HPSE2: variants seen among roughly 807,000 people sequenced by gnomAD.
The protein encoded by HPSE2 is inactive heparanase-2.
HPSE2 carries 38 observed loss-of-function variants against 60.5 expected under a neutral mutation model. The observed-to-expected ratio is 0.63, with a 90% confidence interval of 0.48 to 0.82. HPSE2 has a LOEUF of 0.82. HPSE2 is among the 40% of genes least tolerant of loss of function. The pLI is 0.00. For synonymous variants in HPSE2, 295 were observed against 293.2 expected, an observed-to-expected ratio of 1.01 and a Z score of -0.06; for missense variants, 713 against 740.4, an observed-to-expected ratio of 0.96 and a Z score of 0.43.
At chr10:99,044,295 C>G (rs141174403) in intron 3 of HPSE2, among the ~76,000 whole-genome samples, 52 of 152,296 alleles carry the variant, frequency 3.4e-4, no homozygotes, top group African/African-American at 1.2e-3. Flanking sequence ...CCTTCTCAGA[C>G]AAGCAAACAC....
intron 3 of HPSE2, among the ~76,000 whole-genome samples, chr10:98,881,276 G>A (rs911795453): frequency 1.3e-5 from 2 of 151,990 alleles, no homozygotes; most frequent in Admixed American, 1.3e-4. Context: ...GGCTTCCCTT[G>A]GTAGATCAAG....
intron 3 of HPSE2, among the ~76,000 whole-genome samples, chr10:99,039,594 C>A (rs976591923): frequency 4.6e-5 from 7 of 151,418 alleles, no homozygotes; most frequent in African/African-American, 1.7e-4. Flanking sequence ...GCAGCTGGTA[C>A]TCTGGTCTGT....
At chr10:98,735,621 C>T (rs911946493) in intron 4 of HPSE2, among the ~76,000 whole-genome samples, 9 of 152,092 alleles carry the variant, frequency 5.9e-5, no homozygotes, top group Non-Finnish European at 2.9e-5. Context: ...AGGGGCAGAA[C>T]TGCCCAAGAC....
intron 7 of HPSE2, among the ~76,000 whole-genome samples, chr10:98,628,575 G>A (rs1245499776): frequency 1.3e-5 from 2 of 152,174 alleles, no homozygotes; most frequent in Non-Finnish European, 2.9e-5. Context: ...TGAAGGTAAA[G>A]GGAGCTGAGT....
At chr10:99,049,707 C>T (rs898008025) in intron 3 of HPSE2, among the ~76,000 whole-genome samples, 1 of 151,706 alleles carries the variant, frequency 6.6e-6, no homozygotes, top group African/African-American at 2.4e-5. Flanking sequence ...TAAAGATATA[C>T]CAGATAAATA....
At chr10:98,963,416 A>C (rs1022758326) in intron 3 of HPSE2, among the ~76,000 whole-genome samples, 1 of 152,162 alleles carries the variant, frequency 6.6e-6, no homozygotes, top group Non-Finnish European at 1.5e-5. Flanking sequence ...GTGCCACACT[A>C]GTATGTCATT....
At chr10:99,012,135 T>C (rs1270304978) in intron 3 of HPSE2, among the ~76,000 whole-genome samples, 8 of 152,138 alleles carry the variant, frequency 5.3e-5, no homozygotes, top group Middle Eastern at 3.4e-3. Context: ...GAATATTATT[T>C]CTCTGAGTAG....
At chr10:99,250,513 C>T in the HPSE2 span, among the ~76,000 whole-genome samples, 1 of 152,114 alleles carries the variant, frequency 6.6e-6, no homozygotes, top group Non-Finnish European at 1.5e-5. Context: ...ACCTAGTAGA[C>T]ATCTACAAAA....
At chr10:99,254,965 T>A in the HPSE2 span, among the ~76,000 whole-genome samples, 1 of 152,292 alleles carries the variant, frequency 6.6e-6, no homozygotes, top group Middle Eastern at 3.4e-3. Context: ...CTGAAGGTGA[T>A]GAAAATGTTT....
chr10:98,900,163 C>A (rs773180221), intron 3 of HPSE2, among the ~76,000 whole-genome samples: 1 of 152,070 alleles, frequency 6.6e-6, no homozygotes, highest in African/African-American at 2.4e-5. Context: ...CTTTAACAAT[C>A]AAAAGCTAGA....
chr10:98,741,906 A>G (rs1374743526), intron 4 of HPSE2, among the ~76,000 whole-genome samples: 1 of 152,170 alleles, frequency 6.6e-6, no homozygotes, highest in Non-Finnish European at 1.5e-5. Context: ...AATAAAGCTA[A>G]GTTGGGCAGA....
chr10:99,075,217 A>G (rs958587123), intron 3 of HPSE2, among the ~76,000 whole-genome samples: 1 of 151,932 alleles, frequency 6.6e-6, no homozygotes, highest in African/African-American at 2.4e-5. Flanking sequence ...TAGGTTTGGT[A>G]TGTTGTGTTT....
chr10:98,948,816 C>T (rs912796392), intron 3 of HPSE2, among the ~76,000 whole-genome samples: 2 of 152,006 alleles, frequency 1.3e-5, no homozygotes, highest in Non-Finnish European at 2.9e-5. Context: ...TTGTGATGAC[C>T]CACTTCTACT....
intron 3 of HPSE2, among the ~76,000 whole-genome samples, chr10:98,850,642 C>T (rs1327717587): frequency 2.7e-5 from 4 of 146,192 alleles, no homozygotes; most frequent in African/African-American, 1.0e-4. Flanking sequence ...GAGGCTGAGG[C>T]AGGAGAATGG....
chr10:98,992,118 C>T (rs1340866479), intron 3 of HPSE2, among the ~76,000 whole-genome samples: 1 of 152,038 alleles, frequency 6.6e-6, no homozygotes, highest in Non-Finnish European at 1.5e-5. Flanking sequence ...TATATATTCA[C>T]AAAAACAGGA....
At chr10:99,168,087 T>TACACACACACACACAC (rs56393224) in intron 2 of HPSE2, among the ~76,000 whole-genome samples, 85 of 144,724 alleles carry the variant, frequency 5.9e-4, no homozygotes, top group Non-Finnish European at 6.8e-4. Flanking sequence ...TCAGCCTATT[T>TACACACACACACACAC]ACACACACAC....
At chr10:98,690,960 C>A (rs1284405323) in intron 6 of HPSE2, among the ~76,000 whole-genome samples, 1 of 152,192 alleles carries the variant, frequency 6.6e-6, no homozygotes, top group African/African-American at 2.4e-5. Context: ...CCAAGCTCAA[C>A]ATCCCAATAC....
intron 3 of HPSE2, among the ~76,000 whole-genome samples, chr10:99,052,335 G>T (rs1958009696): frequency 6.6e-6 from 1 of 150,470 alleles, no homozygotes; most frequent in Non-Finnish European, 1.5e-5. Context: ...CCCAAGAAAA[G>T]GTCACCAATT....
chr10:99,018,283 C>T (rs1957186239), intron 3 of HPSE2, among the ~76,000 whole-genome samples: 1 of 152,200 alleles, frequency 6.6e-6, no homozygotes, highest in Admixed American at 6.5e-5. Context: ...TCTAGACTTA[C>T]TAGGCCTAAA....
Sources: gnomAD v4.1 joint callset for allele counts (sites outside exome capture counted in the v4.1 genomes callset) on GRCh38, gnomAD v4.1.1 for gene constraint, MANE v1.5 for transcripts, NCBI Gene and HGNC (gene_info 2026-07-23, HGNC 2026-07-21) for gene names.